The following GSK3B variants were observed in gnomAD, a reference collection of about 807,000 sequenced individuals.
GSK3B encodes glycogen synthase kinase-3 beta.
A neutral mutation model predicts 56.4 loss-of-function variants in GSK3B; 15 were observed. The observed-to-expected ratio is 0.27, with a 90% CI of 0.18 to 0.41. GSK3B has a LOEUF of 0.41. GSK3B is among the 10% of genes least tolerant of loss of function. GSK3B has a pLI of 1.00. For synonymous variants in GSK3B, 181 were observed against 188.9 expected, an observed-to-expected ratio of 0.96 and a Z score of 0.34; for missense variants, 300 against 513.4, an observed-to-expected ratio of 0.58 and a Z score of 4.02.
intron 2 of GSK3B, among the ~76,000 whole-genome samples, chr3:119,978,388 G>A (rs757925287): frequency 1.3e-5 from 2 of 152,190 alleles, no homozygotes; most frequent in Non-Finnish European, 2.9e-5. Context: ...TTCTTAGTCT[G>A]TAAAAGGAAA....
chr3:119,870,811 A>G (rs2056241565), intron 8 of GSK3B, among the ~76,000 whole-genome samples: 2 of 152,180 alleles, frequency 1.3e-5, no homozygotes, highest in African/African-American at 2.4e-5. Context: ...ATAAAAATTG[A>G]TTTACCATAA....
chr3:120,070,660 T>C (rs752303380), intron 1 of GSK3B, among the ~76,000 whole-genome samples: 3 of 152,218 alleles, frequency 2.0e-5, no homozygotes, highest in Non-Finnish European at 2.9e-5. Context: ...AGTTCATCTA[T>C]TAATATACAA....
At chr3:119,900,583 A>G (rs1159626146) in intron 7 of GSK3B, among the ~76,000 whole-genome samples, 1 of 152,152 alleles carries the variant, frequency 6.6e-6, no homozygotes, top group Non-Finnish European at 1.5e-5. Flanking sequence ...AAAACTTCCT[A>G]GATTGCTTAT....
At chr3:119,972,445 T>C (rs990765324) in intron 2 of GSK3B, among the ~76,000 whole-genome samples, 5 of 152,232 alleles carry the variant, frequency 3.3e-5, no homozygotes, top group Non-Finnish European at 7.3e-5. Flanking sequence ...TTTGTTTGTT[T>C]GTTTTTTTGA....
chr3:120,027,722 T>C (rs11923854), intron 1 of GSK3B, among the ~76,000 whole-genome samples: 12,994 of 152,226 alleles, frequency 0.085, 687 homozygotes, highest in Non-Finnish European at 0.11. Context: ...TTGCTATATA[T>C]TGTGATCCCA....
chr3:119,959,086 G>A (rs2057244251), intron 2 of GSK3B, among the ~76,000 whole-genome samples: 1 of 152,106 alleles, frequency 6.6e-6, no homozygotes, highest in African/African-American at 2.4e-5. Flanking sequence ...TTACTTTCCA[G>A]GACACTAAAT....
chr3:119,858,282 C>T (rs925683430), intron 9 of GSK3B, among the ~76,000 whole-genome samples: 3 of 152,244 alleles, frequency 2.0e-5, no homozygotes, highest in African/African-American at 4.8e-5. Context: ...ATGGCATCTT[C>T]TTCCAATAGA....
At chr3:119,914,807 T>C (rs972347885) in intron 5 of GSK3B, among the ~76,000 whole-genome samples, 5 of 152,106 alleles carry the variant, frequency 3.3e-5, no homozygotes, top group Admixed American at 2.0e-4. Context: ...GTGGAAAACA[T>C]ATCCTATGTT....
At chr3:120,083,060 T>A (rs559946766) in intron 1 of GSK3B, among the ~76,000 whole-genome samples, 1 of 152,284 alleles carries the variant, frequency 6.6e-6, no homozygotes, top group Non-Finnish European at 1.5e-5. Context: ...CCTTCCAACA[T>A]CTATTTCTCA....
chr3:119,869,233 A>AAAAAC (rs2056222140), intron 8 of GSK3B, among the ~76,000 whole-genome samples: 9 of 150,184 alleles, frequency 6.0e-5, no homozygotes, highest in South Asian at 2.1e-4. Context: ...CAAAAAAAAA[A>AAAAAC]AAAAAAAAAA....
In GSK3B at chr3:119,826,783, A is replaced by G; in HGVS notation, c.*5T>C. On this transcript the variant is annotated 3_prime_UTR_variant, in exon 11 of 11. Transcript: ENST00000264235. ...TTTCCTGTGCAGCTGGCTGCTCGGG[A>G]CTGTTCAGGTGGAGTTGGAAGCTGA... 1 of 1,603,626 alleles carries G rather than the reference A, an allele frequency of 6.2e-7. No homozygotes were observed. Among genetic ancestry groups the G allele is most frequent in the Non-Finnish European group, 8.5e-7 (1 of 1,170,568 alleles).
At chr3:119,911,512 A>G (rs954334887) in intron 6 of GSK3B, among the ~76,000 whole-genome samples, 6 of 152,176 alleles carry the variant, frequency 3.9e-5, no homozygotes, top group Admixed American at 3.3e-4. Context: ...GAAGCCAGGC[A>G]ATGACACTTC....
At chr3:119,938,759 G>T (rs921325243) in intron 3 of GSK3B, among the ~76,000 whole-genome samples, 3 of 151,878 alleles carry the variant, frequency 2.0e-5, no homozygotes, top group Non-Finnish European at 4.4e-5. Flanking sequence ...TATAGAAATA[G>T]TTATTGTAAT....
At chr3:120,057,423 A>G (rs1224070690) in intron 1 of GSK3B, among the ~76,000 whole-genome samples, 3 of 152,196 alleles carry the variant, frequency 2.0e-5, no homozygotes, top group East Asian at 1.9e-4. Flanking sequence ...AGATAAGAAC[A>G]TAGGTAAAGT....
intron 1 of GSK3B, among the ~76,000 whole-genome samples, chr3:120,084,292 G>A (rs2058445375): frequency 6.6e-6 from 1 of 151,826 alleles, no homozygotes; most frequent in Admixed American, 6.6e-5. Context: ...AAGGGAGATG[G>A]GCATGACAAT....
intron 1 of GSK3B, among the ~76,000 whole-genome samples, chr3:120,027,427 AC>A (rs1017687033): frequency 2.6e-5 from 4 of 151,978 alleles, no homozygotes; most frequent in African/African-American, 9.7e-5. Context: ...CTATTCTTTG[AC>A]CCAGTACTTC....
chr3:119,903,014 C>T (rs1266770449), intron 7 of GSK3B, among the ~76,000 whole-genome samples: 3 of 152,130 alleles, frequency 2.0e-5, no homozygotes, highest in South Asian at 2.1e-4. Context: ...GGCCCCTGGC[C>T]GGACCAGTAA....
chr3:119,936,826 C>T (rs2057000034), intron 3 of GSK3B, among the ~76,000 whole-genome samples: 1 of 151,810 alleles, frequency 6.6e-6, no homozygotes, highest in South Asian at 2.1e-4. Flanking sequence ...CAATAATGAA[C>T]AGAACATCAA....
intron 3 of GSK3B, among the ~76,000 whole-genome samples, chr3:119,932,188 T>C (rs938151704): frequency 6.6e-6 from 1 of 152,194 alleles, no homozygotes; most frequent in African/African-American, 2.4e-5. Context: ...TACAACATAT[T>C]AGAGATCCCC....
Sources: gnomAD v4.1 joint callset for allele counts (sites outside exome capture counted in the v4.1 genomes callset) on GRCh38, gnomAD v4.1.1 for gene constraint, MANE v1.5 for transcripts, NCBI Gene and HGNC (gene_info 2026-07-23, HGNC 2026-07-21) for gene names.